MOB1A: variants seen among roughly 807,000 people sequenced by gnomAD.
MOB1A encodes MOB kinase activator 1A.
Under a neutral mutation model 25.1 loss-of-function variants are expected in MOB1A, and 10 were observed. The ratio of observed to expected loss-of-function variants is 0.40; its 90% CI spans 0.25 to 0.68. The LOEUF is 0.68. Among genes scored for constraint, MOB1A ranks in the 30% least tolerant of loss-of-function variants. MOB1A has a pLI of 0.40. For missense variants in MOB1A, 177 were observed against 256.3 expected, an observed-to-expected ratio of 0.69 and a Z score of 2.11; for synonymous variants, 81 against 79.5, an observed-to-expected ratio of 1.02 and a Z score of -0.10.
At chr2:74,169,462 G>A (rs1416846909) in intron 2 of MOB1A, among the ~76,000 whole-genome samples, 1 of 152,054 alleles carries the variant, frequency 6.6e-6, no homozygotes, top group Non-Finnish European at 1.5e-5. Context: ...TCGTGACACT[G>A]CACTCCAGCC....
chr2:74,166,885 G>A lies in MOB1A; in HGVS notation c.275+129C>T, dbSNP rs895982364. ...ACAATAACTAAAAGCTTACAGGTGAGTAGTCAAGAACCAATAAAACTGAAT... is the reference window on the plus strand; with the variant it reads ...ACAATAACTAAAAGCTTACAGGTGAATAGTCAAGAACCAATAAAACTGAAT... On this transcript the variant is annotated intron_variant, in intron 3 of 5. Coordinates refer to ENST00000396049, the MANE Select transcript of MOB1A (RefSeq NM_018221.5). The A allele has an allele frequency of 9.5e-6, 6 of 630,406 alleles. No homozygotes were observed. The African/African-American group carries it at 1.1e-4, about 12-fold the overall frequency. The allele number at this position is 630,406 out of a possible 1,614,324, so 39.1% of individuals were successfully genotyped here.
intron 4 of MOB1A, among the ~76,000 whole-genome samples, chr2:74,161,934 GC>G (rs1293149397): frequency 6.6e-6 from 1 of 152,058 alleles, no homozygotes; most frequent in Non-Finnish European, 1.5e-5. Flanking sequence ...TCTAGCCTGG[GC>G]AACAGAGTGA....
rs1558829453 is a variant in MOB1A at position 74,156,498 on chromosome 2, T to C, written c.*70A>G. The C allele has an allele frequency of 2.7e-6, 3 of 1,127,160 alleles. No individual in the cohort carries two copies. The highest frequency in any genetic ancestry group is 2.6e-6 in the Non-Finnish European group (2 of 761,468). 69.8% of individuals were successfully genotyped at this position (1,127,160 alleles called of 1,614,324 possible). ...TCTTAAAGTTTGTATCACTAGTCTA[T>C]AACAGATAGCAATGAGATAGTTCTA... On this transcript the variant is annotated 3_prime_UTR_variant, in exon 6 of 6. Coordinates refer to ENST00000396049, the MANE Select transcript of MOB1A (RefSeq NM_018221.5).
At chr2:74,175,442 G>C (rs1693424824) in intron 1 of MOB1A, among the ~76,000 whole-genome samples, 1 of 152,150 alleles carries the variant, frequency 6.6e-6, no homozygotes, top group Non-Finnish European at 1.5e-5. Flanking sequence ...TGCCAAAAAG[G>C]TTAGGGACCA....
chr2:74,164,616 A>G (rs1693074577), intron 4 of MOB1A: 1 of 152,250 alleles, frequency 6.6e-6, no homozygotes, highest in South Asian at 2.1e-4. Flanking sequence ...TCAAGTCATA[A>G]AAGATATAAT....
intron 1 of MOB1A, among the ~76,000 whole-genome samples, chr2:74,176,006 G>A (rs530283926): frequency 4.0e-5 from 6 of 151,792 alleles, no homozygotes; most frequent in African/African-American, 1.5e-4. Context: ...AGCACTCTGG[G>A]AGGGCAAGGC....
rs183695471 is a variant in MOB1A at position 74,169,224 on chromosome 2, G to A, written c.182-2117C>T. 1.5e-3 allele frequency among the ~76,000 whole-genome samples: 224 copies of A among 152,208 alleles called. 1 individual carries two copies. Among genetic ancestry groups the A allele is most frequent in the African/African-American group, 5.2e-3 (218 of 41,544 alleles). On this transcript the variant is annotated intron_variant, in intron 2 of 5. Coordinates refer to ENST00000396049, the MANE Select transcript of MOB1A (RefSeq NM_018221.5). ...TGTTATTTTAAAATGAATTTGGGCC[G>A]GGTGCAGTGGCTCACGCCTGTAATC...
At chr2:74,161,883 G>C (rs1371790673) in intron 4 of MOB1A, among the ~76,000 whole-genome samples, 1 of 151,852 alleles carries the variant, frequency 6.6e-6, no homozygotes, top group Non-Finnish European at 1.5e-5. Context: ...CTTGCGCCTG[G>C]GAGGTCAAGT....
chr2:74,173,258 A>C, intron 1 of MOB1A: 1 of 511,590 alleles, frequency 2.0e-6, no homozygotes, highest in South Asian at 1.4e-5. Context: ...CAAATAAGGC[A>C]ATTTTACTAT....
At chr2:74,160,991 G>A (rs1260306304) in intron 4 of MOB1A, among the ~76,000 whole-genome samples, 2 of 152,008 alleles carry the variant, frequency 1.3e-5, no homozygotes, top group African/African-American at 2.4e-5. Flanking sequence ...CCCAGGAGGC[G>A]GAGGTTGCAG....
Position 74,156,387 on chromosome 2 carries a change from G to T in MOB1A, c.*181C>A. On this transcript the variant is annotated 3_prime_UTR_variant, in exon 6 of 6. Transcript: ENST00000396049. ...CTTAAGATTTGGCTGTGTCCTTAAG[G>T]TCTTACTCGGAAACTATCACACCAA... The T allele has an allele frequency of 3.3e-6, 2 of 609,682 alleles. No individual in the cohort carries two copies. Among genetic ancestry groups the T allele is most frequent in the Non-Finnish European group, 2.9e-6 (1 of 343,732 alleles). 37.8% of individuals were successfully genotyped at this position (609,682 alleles called of 1,614,324 possible).
intron 4 of MOB1A, chr2:74,164,607 CA>C (rs1335228627): frequency 6.6e-6 from 1 of 151,778 alleles, no homozygotes; most frequent in Non-Finnish European, 1.5e-5. Flanking sequence ...ATATTAAAAT[CA>C]AGTCATAAAA....
At chr2:74,171,778 C>T (rs142924417) in intron 2 of MOB1A, among the ~76,000 whole-genome samples, 93 of 152,146 alleles carry the variant, frequency 6.1e-4, no homozygotes, top group African/African-American at 2.1e-3. Flanking sequence ...TGGCGTGTGC[C>T]TGTAATCCCA....
chr2:74,162,741 GA>G (rs1321632039), intron 4 of MOB1A, among the ~76,000 whole-genome samples: 5 of 152,128 alleles, frequency 3.3e-5, no homozygotes, highest in African/African-American at 9.7e-5. Flanking sequence ...CTGTTGTCCT[GA>G]AAAGCCTCTA....
chr2:74,152,641 T>C lies in MOB1A; in HGVS notation c.*3927A>G, dbSNP rs1692688709. The stretch of plus-strand genomic sequence containing the variant: ...ATTCTGACGAAGTTACAAAAGTAGA[T>C]ACAAAATACTTTTTTTAGAAGTACA... On this transcript the variant is annotated 3_prime_UTR_variant, in exon 6 of 6. Coordinates refer to ENST00000396049, the MANE Select transcript of MOB1A (RefSeq NM_018221.5). The C allele has an allele frequency of 1.3e-5, 2 of 152,198 alleles. No individual in the cohort carries two copies. Among genetic ancestry groups the C allele is most frequent in the East Asian group, 1.9e-4 (1 of 5,198 alleles). 9.4% of individuals were successfully genotyped at this position (152,198 alleles called of 1,614,324 possible).
At chr2:74,165,149 C>A in intron 4 of MOB1A, 69 bp downstream of exon 4, 1 of 1,253,422 alleles carries the variant, frequency 8.0e-7, no homozygotes, top group Non-Finnish European at 1.1e-6. Flanking sequence ...GCAAACCCCC[C>A]CAACTCTATT....
At chr2:74,163,177 T>G (rs781731666) in intron 4 of MOB1A, among the ~76,000 whole-genome samples, 18 of 152,128 alleles carry the variant, frequency 1.2e-4, no homozygotes, top group African/African-American at 3.6e-4. Flanking sequence ...TACCACTCAG[T>G]GCAATCAGAT....
chr2:74,159,284 A>G, intron 4 of MOB1A, 30 bp from the exon 5 acceptor site: 3 of 1,597,148 alleles, frequency 1.9e-6, no homozygotes, highest in Non-Finnish European at 1.7e-6. Context: ...TGAAACAATT[A>G]TTTGGTTATC....
chr2:74,165,393 T>C (rs377622653), intron 3 of MOB1A, 42 bp from the exon 4 acceptor site: 8 of 1,286,148 alleles, frequency 6.2e-6, no homozygotes, highest in Admixed American at 2.8e-5. Flanking sequence ...TTCAAAAATA[T>C]TAACAAATGT....
Sources: allele counts gnomAD v4.1 joint callset (sites outside exome capture counted in the v4.1 genomes callset), GRCh38; gene constraint gnomAD v4.1.1; transcripts MANE v1.5; gene names NCBI Gene and HGNC (gene_info 2026-07-23, HGNC 2026-07-21).